GRM8: variants seen among roughly 807,000 people sequenced by gnomAD.
GRM8 encodes the protein metabotropic glutamate receptor 8.
In GRM8, 47 loss-of-function variants were observed where a neutral mutation model predicts 87.2. The ratio of observed to expected loss-of-function variants is 0.54; its 90% CI spans 0.43 to 0.69. The LOEUF is 0.69. Ranked by LOEUF, GRM8 falls within the 30% of genes least tolerant of loss-of-function variation. The probability of loss-of-function intolerance (pLI) is 0.00; values close to 1 mark genes in which losing one functional copy is unlikely to be tolerated. For missense variants in GRM8, 1,019 were observed against 1,139.2 expected (o/e 0.89, Z 1.52); for synonymous variants, 396 against 404.5 (o/e 0.98, Z 0.25).
intron 8 of GRM8, among the ~76,000 whole-genome samples, chr7:126,603,644 C>CCCCT (rs1798048059): frequency 6.6e-6 from 1 of 151,942 alleles, no homozygotes; most frequent in Non-Finnish European, 1.5e-5. Context: ...AGAAAGGGCC[C>CCCCT]AGGGAATTGA....
chr7:126,680,890 A>C (rs1807485751), intron 7 of GRM8, among the ~76,000 whole-genome samples: 1 of 152,092 alleles, frequency 6.6e-6, no homozygotes, highest in Admixed American at 6.6e-5. Context: ...TACGTGATTA[A>C]TTTTCCCTTG....
At chr7:127,026,095 T>A (rs1014281578) in intron 3 of GRM8, among the ~76,000 whole-genome samples, 47 of 152,206 alleles carry the variant, frequency 3.1e-4, no homozygotes, top group African/African-American at 1.1e-3. Flanking sequence ...AGTGAGAACA[T>A]GTGGTGCTTG....
chr7:126,842,208 T>C (rs1362696332), intron 6 of GRM8, among the ~76,000 whole-genome samples: 1 of 152,174 alleles, frequency 6.6e-6, no homozygotes, highest in Non-Finnish European at 1.5e-5. Context: ...CACAGCCAGC[T>C]GTAGATCCAG....
chr7:126,709,122 C>T (rs181993253), intron 7 of GRM8, among the ~76,000 whole-genome samples: 3 of 152,168 alleles, frequency 2.0e-5, no homozygotes, highest in African/African-American at 7.2e-5. Context: ...CAAGGAAAGG[C>T]TCTGAATAGA....
intron 10 of GRM8, among the ~76,000 whole-genome samples, chr7:126,443,098 C>A (rs1000854212): frequency 1.3e-5 from 2 of 151,994 alleles, no homozygotes; most frequent in African/African-American, 4.8e-5. Flanking sequence ...GTGTGCATCA[C>A]ACTGTGTTCA....
chr7:127,243,028 C>G lies in GRM8; in HGVS notation c.177G>C (p.Glu59Asp). ...TCAGCTCCCCACAAGGCACCCCTCT[C>G]TCTCCCTTTGCGTGGACAGGGAAGA... ...GGLFPVHAKG[E>D]RGVPCGELKK... Residue 59 changes from glutamate to aspartate, a missense_variant, in exon 2 of 11, where the codon GAG becomes GAC. Coordinates refer to ENST00000339582, the MANE Select transcript of GRM8 (RefSeq NM_000845.3). 5 of 1,614,060 alleles carry G rather than the reference C, an allele frequency of 3.1e-6. No homozygotes were observed. The highest frequency in any genetic ancestry group is 4.2e-6 in the Non-Finnish European group (5 of 1,179,956).
intron 6 of GRM8, among the ~76,000 whole-genome samples, chr7:126,786,294 G>C (rs1820620325): frequency 6.6e-6 from 1 of 152,044 alleles, no homozygotes; most frequent in Admixed American, 6.6e-5. Context: ...CTCTTTTCTA[G>C]TTTCACCTAC....
intron 5 of GRM8, among the ~76,000 whole-genome samples, chr7:126,902,976 C>G (rs907158806): frequency 6.6e-6 from 1 of 152,136 alleles, no homozygotes; most frequent in African/African-American, 2.4e-5. Flanking sequence ...CTCTACTACT[C>G]CCAGAGGCAG....
intron 2 of GRM8, among the ~76,000 whole-genome samples, chr7:127,207,031 T>A (rs1056488469): frequency 6.6e-6 from 1 of 152,048 alleles, no homozygotes; most frequent in Non-Finnish European, 1.5e-5. Flanking sequence ...GAAGGAAAAA[T>A]AAGACCCAGC....
chr7:126,819,894 A>T (rs1000466356), intron 6 of GRM8, among the ~76,000 whole-genome samples: 1 of 152,004 alleles, frequency 6.6e-6, no homozygotes, highest in Admixed American at 6.5e-5. Context: ...AAAAAATTCC[A>T]TAGCAGAGTT....
At chr7:127,002,885 C>T (rs901006425) in intron 3 of GRM8, among the ~76,000 whole-genome samples, 2 of 151,700 alleles carry the variant, frequency 1.3e-5, no homozygotes, top group African/African-American at 4.8e-5. Context: ...ACTTCTAATA[C>T]TACTACTACC....
Position 126,692,954 on chromosome 7 carries a change from A to G in GRM8, c.1357+76911T>C, listed in dbSNP as rs78122619. 7.3e-3 allele frequency among the ~76,000 whole-genome samples: 1,108 copies of G among 152,328 alleles called. 13 individuals carry two copies. The highest frequency in any genetic ancestry group is 0.023 in the Admixed American group (355 of 15,288). The stretch of plus-strand genomic sequence containing the variant: ...CTTCACAGCTTAATGCTTTGTTTAT[A>G]TAACTATCCTTATTAAATTATTTTA... On this transcript the variant is annotated intron_variant, in intron 7 of 10. Transcript: ENST00000339582.
chr7:126,687,566 A>G (rs1392505398), intron 7 of GRM8, among the ~76,000 whole-genome samples: 1 of 151,732 alleles, frequency 6.6e-6, no homozygotes, highest in African/African-American at 2.4e-5. Flanking sequence ...GCTTTTATTT[A>G]TGCCTTGTTG....
intron 7 of GRM8, among the ~76,000 whole-genome samples, chr7:126,727,704 TACACACACACACACACACACAC>T: frequency 7.0e-6 from 1 of 141,880 alleles, no homozygotes; most frequent in Admixed American, 7.0e-5. Flanking sequence ...TCTGAAATCA[TACACACACACACACACACACAC>T]ACACACACAC....
At chr7:126,714,048 G>A (rs1328298700) in intron 7 of GRM8, among the ~76,000 whole-genome samples, 2 of 151,328 alleles carry the variant, frequency 1.3e-5, no homozygotes, top group Admixed American at 6.6e-5. Context: ...GAGGCGGGCG[G>A]ATCACTTGAG....
intron 6 of GRM8, among the ~76,000 whole-genome samples, chr7:126,820,793 T>C (rs1794225184): frequency 6.6e-6 from 1 of 152,176 alleles, no homozygotes; most frequent in Admixed American, 6.5e-5. Flanking sequence ...GCCTCACCAC[T>C]GCTTCACAAA....
chr7:126,770,192 T>G (rs1299152902), intron 6 of GRM8, 127 bp from the exon 7 acceptor site: 6 of 654,296 alleles, frequency 9.2e-6, no homozygotes, highest in Non-Finnish European at 1.6e-5. Context: ...CACTTCTGAT[T>G]AATTCTATAC....
intron 3 of GRM8, among the ~76,000 whole-genome samples, chr7:127,088,362 T>C (rs1456148440): frequency 1.3e-5 from 2 of 152,202 alleles, no homozygotes; most frequent in Non-Finnish European, 2.9e-5. Flanking sequence ...CTAGGGTTGG[T>C]GAAGGCAGCA....
At chr7:126,934,731 G>A (rs1282014788) in intron 3 of GRM8, among the ~76,000 whole-genome samples, 12 of 152,108 alleles carry the variant, frequency 7.9e-5, no homozygotes, top group Admixed American at 7.9e-4. Context: ...GCCTTCATAA[G>A]CAATATTACT....
Sources: gnomAD v4.1 joint callset for allele counts (sites outside exome capture counted in the v4.1 genomes callset) on GRCh38, gnomAD v4.1.1 for gene constraint, MANE v1.5 for transcripts, NCBI Gene and HGNC (gene_info 2026-07-23, HGNC 2026-07-21) for gene names.